The following DLGAP2 variants were observed in gnomAD, a reference collection of about 807,000 sequenced individuals.
DLGAP2 encodes the protein disks large-associated protein 2.
Under a neutral mutation model 100.3 loss-of-function variants are expected in DLGAP2, and 26 were observed. That is an observed-to-expected ratio of 0.26 (90% CI 0.19 to 0.36). The LOEUF is 0.36. Among genes scored for constraint, DLGAP2 ranks in the 10% least tolerant of loss-of-function variants. DLGAP2 has a pLI of 1.00. For missense variants in DLGAP2, 1,858 were observed against 1,453.2 expected (o/e 1.28, Z -4.53); for synonymous variants, 886 against 630.1 (o/e 1.41, Z -6.08).
At chr8:1,650,971 G>T (rs984242743) in intron 8 of DLGAP2, among the ~76,000 whole-genome samples, 19 of 152,186 alleles carry the variant, frequency 1.2e-4, no homozygotes, top group African/African-American at 4.3e-4. Flanking sequence ...TCCTGCCATT[G>T]CTGCTGCTTC....
Position 1,390,152 on chromosome 8 carries a change from C to G in DLGAP2, c.107-111214C>G, listed in dbSNP as rs529203736. ...CTCTTCCAAAAATCAGTAACTAAAT[C>G]GAGGCACTCTCTGAGCTCTCCAGAT... On this transcript the variant is annotated intron_variant, in intron 3 of 14. Transcript: ENST00000637795. Among the ~76,000 whole-genome samples, 12 of 152,088 alleles carry G rather than the reference C, an allele frequency of 7.9e-5. No homozygotes were observed. In the South Asian group the frequency reaches 1.5e-3, roughly 19 times the overall value.
At chr8:1,350,233 C>T (rs79084923) in intron 3 of DLGAP2, among the ~76,000 whole-genome samples, 1,322 of 96,088 alleles carry the variant, frequency 0.014, 11 homozygotes, top group African/African-American at 0.016. Context: ...CCTGAGTGTG[C>T]GTGGAAAGGC....
intron 1 of DLGAP2, among the ~76,000 whole-genome samples, chr8:884,791 T>C (rs1374154875): frequency 6.6e-6 from 1 of 152,240 alleles, no homozygotes; most frequent in Non-Finnish European, 1.5e-5. Flanking sequence ...TTAATCCATC[T>C]TGAGTTAATT....
chr8:1,584,023 A>G (rs1003485186), intron 6 of DLGAP2, among the ~76,000 whole-genome samples: 1 of 151,652 alleles, frequency 6.6e-6, no homozygotes, highest in Non-Finnish European at 1.5e-5. Flanking sequence ...ATATTTCCTC[A>G]CTGCTCGTGC....
chr8:1,109,103 C>T (rs375341885), intron 2 of DLGAP2, among the ~76,000 whole-genome samples: 89 of 82,502 alleles, frequency 1.1e-3, no homozygotes, highest in Admixed American at 2.3e-3. Context: ...GAGGTGTGCA[C>T]GGGTCTGTGA....
chr8:930,815 AG>A (rs1798939768), intron 2 of DLGAP2, among the ~76,000 whole-genome samples: 1 of 152,216 alleles, frequency 6.6e-6, no homozygotes, highest in African/African-American at 2.4e-5. Flanking sequence ...AGTGAAAACC[AG>A]GGAACTCAGA....
chr8:1,459,657 C>T (rs925672425), intron 3 of DLGAP2, among the ~76,000 whole-genome samples: 1 of 150,764 alleles, frequency 6.6e-6, no homozygotes, highest in African/African-American at 2.4e-5. Flanking sequence ...CCAGCACCCT[C>T]TCTGGCATTT....
intron 1 of DLGAP2, among the ~76,000 whole-genome samples, chr8:799,672 C>G (rs1796108191): frequency 6.6e-6 from 1 of 152,222 alleles, no homozygotes; most frequent in African/African-American, 2.4e-5. Flanking sequence ...ACACAGCTCA[C>G]TGCAGCCTCA....
chr8:1,250,788 A>G (rs1397850578), intron 2 of DLGAP2, among the ~76,000 whole-genome samples: 1 of 152,196 alleles, frequency 6.6e-6, no homozygotes, highest in East Asian at 1.9e-4. Flanking sequence ...ACTGTCCTAC[A>G]CACGATTTAT....
chr8:938,211 G>T (rs143621356), intron 2 of DLGAP2, among the ~76,000 whole-genome samples: 2 of 152,002 alleles, frequency 1.3e-5, no homozygotes, highest in African/African-American at 2.4e-5. Flanking sequence ...TTGAGACAGG[G>T]TCTCTCTCTG....
At chr8:1,639,056 C>A (rs1477071442) in intron 8 of DLGAP2, among the ~76,000 whole-genome samples, 1 of 152,196 alleles carries the variant, frequency 6.6e-6, no homozygotes, top group Non-Finnish European at 1.5e-5. Flanking sequence ...GCAGCCGAAG[C>A]CAACAGGGCC....
chr8:1,416,910 G>T lies in DLGAP2; in HGVS notation c.107-84456G>T, dbSNP rs550269767. On this transcript the variant is annotated intron_variant, in intron 3 of 14. Transcript: ENST00000637795. ...TGTGAAAGCTTCTCAGACTTGCAAAGAATGCGCTTTTGTTCCCGGAAACAG... is the reference window on the plus strand; with the variant it reads ...TGTGAAAGCTTCTCAGACTTGCAAATAATGCGCTTTTGTTCCCGGAAACAG... Among the ~76,000 whole-genome samples, 5 of 152,262 alleles carry T rather than the reference G, an allele frequency of 3.3e-5. No individual in the cohort carries two copies. The East Asian group carries it at 9.7e-4, about 29-fold the overall frequency.
chr8:810,727 G>C (rs1796355006), intron 1 of DLGAP2, among the ~76,000 whole-genome samples: 1 of 152,212 alleles, frequency 6.6e-6, no homozygotes, highest in Non-Finnish European at 1.5e-5. Context: ...AAAAATAGCT[G>C]GCGGTGATTT....
At chr8:1,613,331 G>A (rs1401240154) in intron 6 of DLGAP2, among the ~76,000 whole-genome samples, 8 of 147,744 alleles carry the variant, frequency 5.4e-5, no homozygotes, top group Non-Finnish European at 1.0e-4. Context: ...TCATAGGTGG[G>A]AACTGAACAA....
intron 3 of DLGAP2, among the ~76,000 whole-genome samples, chr8:1,462,997 C>G (rs866347841): frequency 1.3e-5 from 2 of 152,154 alleles, no homozygotes; most frequent in Non-Finnish European, 2.9e-5. Flanking sequence ...GCCTGTAATC[C>G]CAGCACTTTG....
At chr8:1,333,679 C>T (rs780643586) in intron 3 of DLGAP2, among the ~76,000 whole-genome samples, 1 of 152,208 alleles carries the variant, frequency 6.6e-6, no homozygotes, top group Non-Finnish European at 1.5e-5. Context: ...CGCGGGCTCT[C>T]CAGGCAGGTC....
intron 14 of DLGAP2, 118 bp downstream of exon 14, chr8:1,697,417 C>A: frequency 1.4e-6 from 2 of 1,405,204 alleles, no homozygotes; most frequent in East Asian, 2.3e-5. Flanking sequence ...AACACACGAG[C>A]AAATTTCCCT....
intron 2 of DLGAP2, among the ~76,000 whole-genome samples, chr8:973,647 C>T (rs1188911931): frequency 1.3e-5 from 2 of 152,264 alleles, no homozygotes; most frequent in Non-Finnish European, 2.9e-5. Flanking sequence ...CGAGATCACG[C>T]CACTGCACTC....
At chr8:1,444,610 C>T (rs535064368) in intron 3 of DLGAP2, among the ~76,000 whole-genome samples, 2 of 152,176 alleles carry the variant, frequency 1.3e-5, no homozygotes, top group East Asian at 1.9e-4. Context: ...CCTCCACCTC[C>T]TTCTCCATCA....
Sources: allele counts gnomAD v4.1 joint callset (sites outside exome capture counted in the v4.1 genomes callset), GRCh38; gene constraint gnomAD v4.1.1; transcripts MANE v1.5; gene names NCBI Gene and HGNC (gene_info 2026-07-23, HGNC 2026-07-21).